The following UNC13B variants were observed in gnomAD, a reference collection of about 807,000 sequenced individuals.
UNC13B encodes the protein protein unc-13 homolog B.
In UNC13B, 144 loss-of-function variants were observed where a neutral mutation model predicts 211.0. That is an observed-to-expected ratio of 0.68 (90% CI 0.60 to 0.78). The LOEUF (loss-of-function observed/expected upper bound fraction) is 0.78, where lower values mean the gene tolerates loss of function less well. Ranked by LOEUF, UNC13B falls within the 30% of genes least tolerant of loss-of-function variation. The pLI, the probability that UNC13B is intolerant of heterozygous loss-of-function variation, is 0.00. For synonymous variants in UNC13B, 709 were observed against 725.8 expected (o/e 0.98, Z 0.37); for missense variants, 1,777 against 2,002.0 (o/e 0.89, Z 2.14).
intron 6 of UNC13B, among the ~76,000 whole-genome samples, chr9:35,245,900 G>A (rs1381444348): frequency 6.6e-6 from 1 of 152,142 alleles, no homozygotes; most frequent in Non-Finnish European, 1.5e-5. Context: ...GGTATTTCTA[G>A]TTCTAGATCC....
chr9:35,319,399 T>G, intron 11 of UNC13B, among the ~76,000 whole-genome samples: 1 of 54,210 alleles, frequency 1.8e-5, no homozygotes, highest in East Asian at 6.4e-4. Context: ...TGAGACCCTA[T>G]CTCAAAAAAA....
chr9:35,246,064 G>C (rs376256348), intron 6 of UNC13B, among the ~76,000 whole-genome samples: 10 of 152,012 alleles, frequency 6.6e-5, no homozygotes, highest in African/African-American at 1.9e-4. Flanking sequence ...GAGATGGTAT[G>C]TCATTGTGGT....
chr9:35,353,824 C>G (rs1252874375), intron 11 of UNC13B: 2 of 1,226,132 alleles, frequency 1.6e-6, no homozygotes, highest in Non-Finnish European at 2.0e-6. Context: ...TTCTGAGTCA[C>G]TATTTAACAG....
At chr9:35,330,607 A>G (rs930857739) in intron 11 of UNC13B, among the ~76,000 whole-genome samples, 1 of 152,248 alleles carries the variant, frequency 6.6e-6, no homozygotes, top group African/African-American at 2.4e-5. Flanking sequence ...GACCTGTGCA[A>G]TGTGGGAACA....
At chr9:35,359,178 C>T (rs1433976961) in intron 11 of UNC13B, among the ~76,000 whole-genome samples, 1 of 152,124 alleles carries the variant, frequency 6.6e-6, no homozygotes, top group East Asian at 1.9e-4. Context: ...TGTCTGGACT[C>T]AATTCTATTC....
chr9:35,353,243 G>A, intron 11 of UNC13B: 1 of 1,232,290 alleles, frequency 8.1e-7, no homozygotes, highest in Non-Finnish European at 1.0e-6. Flanking sequence ...TCAGGAGGAT[G>A]AGGATGTGGA....
intron 7 of UNC13B, among the ~76,000 whole-genome samples, chr9:35,274,167 C>T (rs766199977): frequency 6.6e-6 from 1 of 152,124 alleles, no homozygotes; most frequent in South Asian, 2.1e-4. Flanking sequence ...TACTGATAAC[C>T]CCTGCCTATC....
chr9:35,255,084 T>A (rs1226669023), intron 6 of UNC13B, among the ~76,000 whole-genome samples: 3 of 122,490 alleles, frequency 2.4e-5, no homozygotes, highest in East Asian at 2.1e-4. Flanking sequence ...AATATATATA[T>A]TATATATATA....
chr9:35,390,433 T>C (rs1324042042), intron 25 of UNC13B, among the ~76,000 whole-genome samples, 196 bp from the exon 26 acceptor site: 1 of 152,244 alleles, frequency 6.6e-6, no homozygotes, highest in African/African-American at 2.4e-5. Context: ...CCTATGGGGA[T>C]CCCTTCTGCC....
At chr9:35,327,727 C>T (rs1831099570) in intron 11 of UNC13B, among the ~76,000 whole-genome samples, 1 of 152,176 alleles carries the variant, frequency 6.6e-6, no homozygotes, top group Admixed American at 6.5e-5. Context: ...GGCATCCCTC[C>T]AGTCAGGTTG....
Position 35,398,151 on chromosome 9 carries a change from A to G in UNC13B, c.11755-60A>G, listed in dbSNP as rs939694685. On this transcript the variant is annotated intron_variant, in intron 30 of 39. Transcript: ENST00000635942. ...CTTTTGTGAGAGAGGGAGGGAACCT[A>G]GGCTAATGGGTCCTATGCTGAAAGG... The G allele has an allele frequency of 8.5e-6, 13 of 1,521,974 alleles. No individual in the cohort carries two copies. The Admixed American group carries it at 2.4e-4, about 28-fold the overall frequency. The allele number at this position is 1,521,974 out of a possible 1,614,324, so 94.3% of individuals were successfully genotyped here.
rs1587580490 is a variant in UNC13B at position 35,304,674 on chromosome 9, T to C, written c.5270T>C (p.Val1757Ala). Residue 1757 changes from valine to alanine, a missense_variant, in exon 9 of 40, where the codon GTT (valine) becomes GCT (alanine). Transcript: ENST00000635942. ...LVNKVASVFS[V>A]LGASVGSTLK... ...AACAAAGTGGCTTCAGTATTTTCTG[T>C]TTTGGGTGCCTCAGTTGGTAGTACT... The C allele has an allele frequency of 2.5e-6, 1 of 398,686 alleles. No individual in the cohort carries two copies. Among genetic ancestry groups the C allele is most frequent in the African/African-American group, 2.1e-5 (1 of 48,584 alleles). 24.7% of individuals were successfully genotyped at this position (398,686 alleles called of 1,614,324 possible).
At chr9:35,185,506 C>T (rs1371195162) in intron 1 of UNC13B, among the ~76,000 whole-genome samples, 1 of 152,216 alleles carries the variant, frequency 6.6e-6, no homozygotes, top group Non-Finnish European at 1.5e-5. Context: ...CAAAGAGAAT[C>T]CCCCTGATTT....
chr9:35,397,124 G>T lies in UNC13B; in HGVS notation c.11533-43G>T, dbSNP rs190875172. On this transcript the variant is annotated intron_variant, in intron 28 of 39. Transcript: ENST00000635942. ...TTCAAACTCTACAAGCTTGGGAAAAGATAGCAGCTGTGGATGGTGACCCTG... is the reference window on the plus strand; with the variant it reads ...TTCAAACTCTACAAGCTTGGGAAAATATAGCAGCTGTGGATGGTGACCCTG... The T allele has an allele frequency of 9.3e-6, 15 of 1,610,060 alleles. No individual in the cohort carries two copies. The African/African-American group carries it at 1.5e-4, about 16-fold the overall frequency.
chr9:35,243,104 G>A (rs1177617815), intron 5 of UNC13B, among the ~76,000 whole-genome samples, 187 bp from the exon 6 acceptor site: 3 of 152,082 alleles, frequency 2.0e-5, no homozygotes, highest in Non-Finnish European at 2.9e-5. Context: ...GGGAATAACA[G>A]TACATTGTAT....
intron 11 of UNC13B, among the ~76,000 whole-genome samples, chr9:35,364,137 C>A (rs1833614544): frequency 1.3e-5 from 2 of 148,176 alleles, no homozygotes; most frequent in Non-Finnish European, 2.9e-5. Flanking sequence ...GCTCACGTGG[C>A]TTCTGAGGAA....
intron 1 of UNC13B, among the ~76,000 whole-genome samples, chr9:35,184,629 G>T (rs1035559151): frequency 3.3e-5 from 5 of 152,106 alleles, no homozygotes; most frequent in African/African-American, 1.2e-4. Context: ...AACCACGGGA[G>T]CCCGGGGCAG....
Position 35,308,415 on chromosome 9 carries a change from C to T in UNC13B, c.9008+3C>T. ...AAGGAGCCCATGACCAACAAAAGGC[C>T]TGTTCTTAACTCAAGCATCATAAAT... On this transcript the variant is annotated splice_donor_region_variant and intron_variant, in intron 9 of 39. Transcript: ENST00000635942. 1 of 398,898 alleles carries T rather than the reference C, an allele frequency of 2.5e-6. No individual in the cohort carries two copies. The highest frequency in any genetic ancestry group is 4.4e-6 in the Non-Finnish European group (1 of 226,030). 24.7% of individuals were successfully genotyped at this position (398,898 alleles called of 1,614,324 possible).
chr9:35,229,428 TC>T (rs1825069636), intron 2 of UNC13B, among the ~76,000 whole-genome samples: 1 of 152,220 alleles, frequency 6.6e-6, no homozygotes, highest in Non-Finnish European at 1.5e-5. Flanking sequence ...TGCTTACCCA[TC>T]TTGTACCCAT....
Sources: gnomAD v4.1 joint callset for allele counts (sites outside exome capture counted in the v4.1 genomes callset) on GRCh38, gnomAD v4.1.1 for gene constraint, MANE v1.5 for transcripts, NCBI Gene and HGNC (gene_info 2026-07-23, HGNC 2026-07-21) for gene names.